Variants in SMYD3 observed in about 807,000 individuals in gnomAD.
SMYD3 encodes SET and MYND domain containing 3.
Under a neutral mutation model 57.7 loss-of-function variants are expected in SMYD3, and 36 were observed. The ratio of observed to expected loss-of-function variants is 0.62; its 90% CI spans 0.48 to 0.82. The LOEUF (loss-of-function observed/expected upper bound fraction) is 0.82, where lower values mean the gene tolerates loss of function less well. Among genes scored for constraint, SMYD3 ranks in the 40% least tolerant of loss-of-function variants. The probability of loss-of-function intolerance (pLI) is 0.00; values close to 1 mark genes in which losing one functional copy is unlikely to be tolerated. For missense variants in SMYD3, 515 were observed against 538.8 expected (o/e 0.96, Z 0.44); for synonymous variants, 211 against 195.0 (o/e 1.08, Z -0.68).
At chr1:246,230,433 A>G (rs1256128457) in intron 5 of SMYD3, among the ~76,000 whole-genome samples, 1 of 152,320 alleles carries the variant, frequency 6.6e-6, no homozygotes, top group East Asian at 1.9e-4. Context: ...CGTAAGGAAA[A>G]TGGGAAAGGG....
intron 1 of SMYD3, among the ~76,000 whole-genome samples, chr1:246,399,106 C>T (rs1300290056): frequency 6.6e-6 from 1 of 152,192 alleles, no homozygotes; most frequent in Admixed American, 6.5e-5. Context: ...ACTGCAACCT[C>T]CGCCTCCCAG....
intron 5 of SMYD3, among the ~76,000 whole-genome samples, chr1:246,263,324 G>C (rs1240733724): frequency 1.3e-5 from 2 of 148,606 alleles, no homozygotes; most frequent in Non-Finnish European, 3.0e-5. Flanking sequence ...TTATGGTGAG[G>C]ACTAAATGAC....
chr1:246,054,606 C>T (rs1443175657), intron 5 of SMYD3, among the ~76,000 whole-genome samples: 1 of 152,020 alleles, frequency 6.6e-6, no homozygotes, highest in African/African-American at 2.4e-5. Flanking sequence ...CACCATTATG[C>T]TAAGCGAAAA....
At chr1:245,908,448 A>T (rs1170470066) in intron 8 of SMYD3, among the ~76,000 whole-genome samples, 2 of 152,246 alleles carry the variant, frequency 1.3e-5, no homozygotes, top group Non-Finnish European at 2.9e-5. Flanking sequence ...GAAAATCTAC[A>T]GAAAAATATC....
At chr1:246,172,140 G>A (rs2062346404) in intron 5 of SMYD3, among the ~76,000 whole-genome samples, 1 of 152,204 alleles carries the variant, frequency 6.6e-6, no homozygotes, top group African/African-American at 2.4e-5. Flanking sequence ...TGAAGGCCTA[G>A]AACACTCACT....
intron 5 of SMYD3, among the ~76,000 whole-genome samples, chr1:246,199,785 A>G (rs1310482948): frequency 1.3e-5 from 2 of 152,272 alleles, no homozygotes; most frequent in East Asian, 3.8e-4. Flanking sequence ...AGAACAGCAT[A>G]GATGCTGAGC....
chr1:246,369,278 C>G (rs1197321599), intron 1 of SMYD3, among the ~76,000 whole-genome samples: 1 of 152,162 alleles, frequency 6.6e-6, no homozygotes, highest in Non-Finnish European at 1.5e-5. Context: ...TTAGTACTAA[C>G]AGATTAAACA....
chr1:245,970,395 G>C (rs896341018), intron 5 of SMYD3, among the ~76,000 whole-genome samples: 1 of 152,248 alleles, frequency 6.6e-6, no homozygotes, highest in Admixed American at 6.5e-5. Context: ...CAGGACATAG[G>C]CATGGGCAAG....
At chr1:246,346,875 ATCAGACTAGGAATTT>A (rs1177125249) in intron 2 of SMYD3, among the ~76,000 whole-genome samples, 1 of 152,216 alleles carries the variant, frequency 6.6e-6, no homozygotes, top group African/African-American at 2.4e-5. Context: ...TGTTGGAATT[ATCAGACTAGGAATTT>A]TAAAAAACTA....
chr1:245,784,290 C>CTATG (rs560493393), intron 10 of SMYD3, among the ~76,000 whole-genome samples: 3 of 152,154 alleles, frequency 2.0e-5, no homozygotes, highest in Non-Finnish European at 4.4e-5. Context: ...ATCTAAGCAT[C>CTATG]TATGTATGGC....
intron 5 of SMYD3, among the ~76,000 whole-genome samples, chr1:246,142,105 T>C (rs992895427): frequency 6.6e-6 from 1 of 152,216 alleles, no homozygotes; most frequent in African/African-American, 2.4e-5. Flanking sequence ...CTCGATTCAG[T>C]AGTCCCCCTT....
At chr1:246,206,018 G>A (rs918961527) in intron 5 of SMYD3, among the ~76,000 whole-genome samples, 9 of 152,032 alleles carry the variant, frequency 5.9e-5, no homozygotes, top group Non-Finnish European at 8.8e-5. Context: ...CAATTTCCAC[G>A]TCTCAGCTGA....
chr1:245,840,186 G>T (rs570893686), intron 10 of SMYD3, among the ~76,000 whole-genome samples: 1 of 152,226 alleles, frequency 6.6e-6, no homozygotes, highest in South Asian at 2.1e-4. Flanking sequence ...AGGAAGACAA[G>T]AATGTTTAAA....
intron 5 of SMYD3, among the ~76,000 whole-genome samples, chr1:246,032,101 C>A (rs2059687965): frequency 6.6e-6 from 1 of 152,106 alleles, no homozygotes; most frequent in African/African-American, 2.4e-5. Context: ...AAACAAAATA[C>A]CAAGAACTCC....
chr1:245,945,859 G>A (rs1350649387), intron 5 of SMYD3, among the ~76,000 whole-genome samples: 3 of 152,174 alleles, frequency 2.0e-5, no homozygotes, highest in African/African-American at 7.2e-5. Context: ...ACTAATGCAG[G>A]AACAGAAACC....
At chr1:246,000,639 G>A (rs2059022319) in intron 5 of SMYD3, among the ~76,000 whole-genome samples, 1 of 152,128 alleles carries the variant, frequency 6.6e-6, no homozygotes, top group African/African-American at 2.4e-5. Context: ...GTTCAATGAT[G>A]ACCTTTTATT....
intron 8 of SMYD3, among the ~76,000 whole-genome samples, chr1:245,871,604 T>C (rs1436378236): frequency 6.6e-6 from 1 of 152,162 alleles, no homozygotes; most frequent in African/African-American, 2.4e-5. Flanking sequence ...TAACAGAAAT[T>C]AGTGAAAAAG....
intron 5 of SMYD3, among the ~76,000 whole-genome samples, chr1:246,200,665 C>T (rs925600476): frequency 1.8e-5 from 2 of 113,330 alleles, no homozygotes; most frequent in Non-Finnish European, 3.9e-5. Context: ...TACACAGACG[C>T]CCACTGTAAT....
intron 8 of SMYD3, among the ~76,000 whole-genome samples, chr1:245,867,654 G>A (rs1246297113): frequency 5.3e-5 from 7 of 131,680 alleles, no homozygotes; most frequent in Admixed American, 2.2e-4. Context: ...ATGCGCGTGC[G>A]TGTGCGTGCG....
Sources: gnomAD v4.1 joint callset for allele counts (sites outside exome capture counted in the v4.1 genomes callset) on GRCh38, gnomAD v4.1.1 for gene constraint, MANE v1.5 for transcripts, NCBI Gene and HGNC (gene_info 2026-07-23, HGNC 2026-07-21) for gene names.